SAP18: variants seen among roughly 807,000 people sequenced by gnomAD.
SAP18 encodes histone deacetylase complex subunit SAP18.
A neutral mutation model predicts 18.6 loss-of-function variants in SAP18; 4 were observed. The observed-to-expected ratio is 0.21, with a 90% confidence interval of 0.11 to 0.49. SAP18 has a LOEUF of 0.49. Ranked by LOEUF, SAP18 falls within the 20% of genes least tolerant of loss-of-function variation. The probability of loss-of-function intolerance (pLI) is 0.98; values close to 1 mark genes in which losing one functional copy is unlikely to be tolerated. For synonymous variants in SAP18, 112 were observed against 82.8 expected (o/e 1.35, Z -1.92); for missense variants, 170 against 226.4 (o/e 0.75, Z 1.60).
intron 2 of SAP18, 122 bp downstream of exon 2, chr13:21,141,117 G>C: frequency 1.5e-6 from 1 of 684,136 alleles, no homozygotes; most frequent in Non-Finnish European, 2.6e-6. Context: ...TGGGGCCTTC[G>C]GACTCAGCTT....
chr13:21,143,441 C>T (rs1354318694), intron 2 of SAP18, among the ~76,000 whole-genome samples: 1 of 152,114 alleles, frequency 6.6e-6, no homozygotes, highest in African/African-American at 2.4e-5. Context: ...TAGTATGATA[C>T]CTGTACTTAA....
intron 2 of SAP18, among the ~76,000 whole-genome samples, chr13:21,142,266 G>A (rs958119297): frequency 1.3e-5 from 2 of 150,994 alleles, no homozygotes; most frequent in Admixed American, 1.3e-4. Flanking sequence ...CAGCCTGGGC[G>A]ACAGAGCGAG....
At chr13:21,144,884 A>G (rs1011858463) in intron 2 of SAP18, among the ~76,000 whole-genome samples, 1 of 152,202 alleles carries the variant, frequency 6.6e-6, no homozygotes, top group Non-Finnish European at 1.5e-5. Context: ...GAGCAAGACA[A>G]TATTGAAAAT....
chr13:21,141,656 ATG>A (rs1474349250), intron 2 of SAP18: 6 of 153,174 alleles, frequency 3.9e-5, no homozygotes, highest in Admixed American at 1.9e-4. Context: ...ATTGAAAAAT[ATG>A]TGTATATACT....
At chr13:21,141,070 G>C (rs1396633143) in intron 2 of SAP18, 75 bp downstream of exon 2, 1 of 919,858 alleles carries the variant, frequency 1.1e-6, no homozygotes, top group Non-Finnish European at 1.8e-6. Flanking sequence ...TGCCAGTGTA[G>C]AGTTATTCTC....
chr13:21,146,871 G>A (rs1869668980), exon 3 of SAP18: 2 of 1,613,158 alleles, frequency 1.2e-6, no homozygotes, highest in Non-Finnish European at 1.7e-6. Flanking sequence ...CTAGAAAGAA[G>A]GGCACTCACT....
chr13:21,145,043 T>C (rs1054002544), intron 2 of SAP18, among the ~76,000 whole-genome samples: 1 of 151,276 alleles, frequency 6.6e-6, no homozygotes, highest in African/African-American at 2.4e-5. Flanking sequence ...GGTGGAAAAT[T>C]GCACACATAA....
At position 21,140,692 on chromosome 13, in the gene SAP18, C is replaced by T. The variant is rs769121125; in HGVS notation, c.129+11C>T. 1 of 1,608,954 alleles carries T rather than the reference C, an allele frequency of 6.2e-7. No individual in the cohort carries two copies. Among genetic ancestry groups the T allele is most frequent in the Non-Finnish European group, 8.5e-7 (1 of 1,177,240 alleles). On this transcript the variant is annotated intron_variant, in intron 1 of 3. Transcript: ENST00000621421. ...ATCGACCGCGAGAAGGTGAAGGCCC[C>T]CTCCGCTTTGGGGTCCGGGAAGAGG...
At chr13:21,145,720 C>T (rs149884953) in intron 2 of SAP18, among the ~76,000 whole-genome samples, 7,206 of 152,268 alleles carry the variant, frequency 0.047, 246 homozygotes, top group Middle Eastern at 0.075. Context: ...ACCATGTTGG[C>T]CAGGCTGCTC....
chr13:21,140,452 G>A (rs575712951), upstream of SAP18: 6 of 1,360,848 alleles, frequency 4.4e-6, no homozygotes, highest in Non-Finnish European at 5.9e-6. Flanking sequence ...GCTCCGGCTC[G>A]CTCACCACGC....
upstream of SAP18, chr13:21,140,383 C>T: frequency 1.5e-6 from 1 of 648,674 alleles, no homozygotes. Context: ...GGACGCTAAG[C>T]ACCTCCTCCC....
chr13:21,144,963 G>C (rs1361168761), intron 2 of SAP18, among the ~76,000 whole-genome samples: 2 of 152,022 alleles, frequency 1.3e-5, no homozygotes, highest in Non-Finnish European at 2.9e-5. Flanking sequence ...TCAGAATATA[G>C]ACTGAGCATC....
intron 2 of SAP18, among the ~76,000 whole-genome samples, chr13:21,143,279 A>G (rs1284861701): frequency 6.6e-6 from 1 of 152,172 alleles, no homozygotes; most frequent in Admixed American, 6.5e-5. Context: ...ATTTTTGAGG[A>G]ACCACCAAAC....
At chr13:21,145,785 C>T (rs1001333429) in intron 2 of SAP18, among the ~76,000 whole-genome samples, 1 of 152,180 alleles carries the variant, frequency 6.6e-6, no homozygotes, top group Non-Finnish European at 1.5e-5. Flanking sequence ...TCCCAAAGTG[C>T]TGGGATTACA....
At chr13:21,147,258 G>A in exon 4 of SAP18, 1 of 1,614,154 alleles carries the variant, frequency 6.2e-7, no homozygotes, top group Non-Finnish European at 8.5e-7. Flanking sequence ...AGTCGCAGAA[G>A]TTCCAGATAG....
intron 2 of SAP18, 157 bp downstream of exon 2, chr13:21,141,152 T>G: frequency 1.6e-6 from 1 of 618,834 alleles, no homozygotes; most frequent in South Asian, 1.9e-5. Context: ...GTTTTTGTTG[T>G]TAGGTGAAAG....
chr13:21,147,231 T>C lies in SAP18; in HGVS notation c.408T>C (p.Asp136=), dbSNP rs1869680344. 4.3e-6 allele frequency: 7 copies of C among 1,614,130 alleles called. No individual in the cohort carries two copies. In the East Asian group the frequency reaches 1.6e-4, roughly 36 times the overall value. The change falls in exon 4 of 4, where the codon GAT becomes GAC. Residue 136 remains aspartate, a synonymous_variant. Transcript: ENST00000621421. ...CCATGTCTGGCAGAAAGGGGACTGA[T>C]GATTCCATGACCCTGCAGTCGCAGA...
upstream of SAP18, chr13:21,140,456 A>C (rs373660324): frequency 4.9e-5 from 67 of 1,380,152 alleles, no homozygotes; most frequent in Middle Eastern, 2.6e-4. Context: ...CGGCTCGCTC[A>C]CCACGCACGG....
At chr13:21,147,411 C>T in exon 4 of SAP18, 2 of 1,363,232 alleles carry the variant, frequency 1.5e-6, no homozygotes, top group South Asian at 1.3e-5. Context: ...CTTCTTCCTC[C>T]CCTGATTATT....
Sources: gnomAD v4.1 joint callset for allele counts (sites outside exome capture counted in the v4.1 genomes callset) on GRCh38, gnomAD v4.1.1 for gene constraint, MANE v1.5 for transcripts, NCBI Gene and HGNC (gene_info 2026-07-23, HGNC 2026-07-21) for gene names.